The following LRRC8C variants were observed in gnomAD, a reference collection of about 807,000 sequenced individuals.
LRRC8C encodes the protein leucine rich repeat containing 8 VRAC subunit C.
In LRRC8C, 20 loss-of-function variants were observed where a neutral mutation model predicts 55.3. The observed-to-expected ratio is 0.36, with a 90% confidence interval of 0.25 to 0.53. The LOEUF (loss-of-function observed/expected upper bound fraction) is 0.53, where lower values mean the gene tolerates loss of function less well. Among genes scored for constraint, LRRC8C ranks in the 20% least tolerant of loss-of-function variants. LRRC8C has a pLI of 0.92. For missense variants in LRRC8C, 659 were observed against 951.4 expected (o/e 0.69, Z 4.04); for synonymous variants, 376 against 360.7 (o/e 1.04, Z -0.48).
At chr1:89,684,487 G>A (rs1296469678) in intron 1 of LRRC8C, among the ~76,000 whole-genome samples, 1 of 152,166 alleles carries the variant, frequency 6.6e-6, no homozygotes, top group African/African-American at 2.4e-5. Context: ...TTGTTTTTCA[G>A]GCAGTATGGC....
chr1:89,671,588 A>G (rs915039082), intron 1 of LRRC8C, among the ~76,000 whole-genome samples: 1 of 152,190 alleles, frequency 6.6e-6, no homozygotes. Flanking sequence ...ATGACCGGTG[A>G]TGACCATCCC....
At chr1:89,695,170 C>G (rs183224526) in intron 2 of LRRC8C, among the ~76,000 whole-genome samples, 5 of 152,252 alleles carry the variant, frequency 3.3e-5, no homozygotes, top group Admixed American at 6.5e-5. Context: ...GATCTGCCCC[C>G]CTCGGGCTCC....
the LRRC8C span, among the ~76,000 whole-genome samples, chr1:89,618,254 T>G: frequency 3.9e-5 from 6 of 152,202 alleles, no homozygotes; most frequent in African/African-American, 1.4e-4. Context: ...AAGAGACCTC[T>G]ATCACTTAGG....
At chr1:89,669,045 G>A (rs1056198139) in intron 1 of LRRC8C, among the ~76,000 whole-genome samples, 3 of 152,050 alleles carry the variant, frequency 2.0e-5, no homozygotes, top group Non-Finnish European at 2.9e-5. Context: ...TAACCAAAAT[G>A]TCCATTGACA....
At chr1:89,639,978 A>G (rs1375950898) in intron 1 of LRRC8C, among the ~76,000 whole-genome samples, 1 of 152,256 alleles carries the variant, frequency 6.6e-6, no homozygotes, top group Admixed American at 6.5e-5. Flanking sequence ...CATATAAAAC[A>G]TGAGTTAAGA....
At chr1:89,626,873 T>C in the LRRC8C span, 1 of 151,756 alleles carries the variant, frequency 6.6e-6, no homozygotes, top group Non-Finnish European at 1.5e-5. Context: ...ATCATTAGCG[T>C]TGGTAATTAA....
At chr1:89,683,897 TATATC>T (rs571485454) in intron 1 of LRRC8C, among the ~76,000 whole-genome samples, 266 of 152,300 alleles carry the variant, frequency 1.7e-3, no homozygotes, top group Admixed American at 2.9e-3. Flanking sequence ...AACAACATAT[TATATC>T]ATAATAGATT....
chr1:89,709,534 G>C (rs779068128), intron 2 of LRRC8C, among the ~76,000 whole-genome samples: 1 of 152,160 alleles, frequency 6.6e-6, no homozygotes, highest in Non-Finnish European at 1.5e-5. Flanking sequence ...ATCCTGTACA[G>C]CAGCCAAGTT....
At chr1:89,651,573 A>AG in intron 1 of LRRC8C, among the ~76,000 whole-genome samples, 1 of 150,658 alleles carries the variant, frequency 6.6e-6, no homozygotes, top group South Asian at 2.1e-4. Flanking sequence ...GTCTCAAAAA[A>AG]AAAAAAAAAA....
chr1:89,644,732 C>T (rs1041350291), intron 1 of LRRC8C, among the ~76,000 whole-genome samples: 2 of 152,150 alleles, frequency 1.3e-5, no homozygotes, highest in Non-Finnish European at 1.5e-5. Flanking sequence ...CCCTCAAATC[C>T]GCATATAAAC....
intron 2 of LRRC8C, among the ~76,000 whole-genome samples, chr1:89,695,444 A>G (rs867184258): frequency 6.6e-6 from 1 of 152,206 alleles, no homozygotes; most frequent in Non-Finnish European, 1.5e-5. Flanking sequence ...CTTAAGTTCA[A>G]TATGTTAACT....
the LRRC8C span, among the ~76,000 whole-genome samples, chr1:89,625,609 C>T: frequency 2.6e-5 from 4 of 152,142 alleles, no homozygotes; most frequent in Admixed American, 6.5e-5. Context: ...AGAGCATGTG[C>T]GCATGGCTAC....
In LRRC8C at chr1:89,713,619, C is replaced by G; in HGVS notation, c.1049C>G (p.Ser350Cys). ...TTCTACCGTTCTCTACGGGAATATT[C>G]CTTTGAGTATGTCCGTCAGGAGACT... The part of the protein sequence containing the change: ...WLFYRSLREY[S>C]FEYVRQETGI... The change falls in exon 3 of 3, where the codon TCC (serine) becomes TGC (cysteine). Residue 350 changes from serine (S) to cysteine (C), a missense_variant. This residue lies in a region of LRRC8C where 200 missense variants were observed against 360.5 expected (regional missense o/e 0.55). Transcript: ENST00000370454. This position sits in a 1 kb window ranked among gnomAD's most constrained non-coding sequence, Gnocchi z 5.2. The G allele has an allele frequency of 6.2e-7, 1 of 1,614,108 alleles. No homozygotes were observed. Among genetic ancestry groups the G allele is most frequent in the African/African-American group, 1.3e-5 (1 of 75,024 alleles).
chr1:89,631,026 G>C (rs1173523154), upstream of LRRC8C, among the ~76,000 whole-genome samples: 4 of 152,162 alleles, frequency 2.6e-5, no homozygotes, highest in Non-Finnish European at 4.4e-5. Flanking sequence ...AAAGCAACTT[G>C]GGGTGGACTC....
intron 2 of LRRC8C, among the ~76,000 whole-genome samples, chr1:89,688,957 A>C (rs1657953864): frequency 6.6e-6 from 1 of 152,198 alleles, no homozygotes; most frequent in South Asian, 2.1e-4. Context: ...AAGGCTTTTA[A>C]GCCAGGGTAA....
chr1:89,674,336 G>A (rs1423943472), intron 1 of LRRC8C, among the ~76,000 whole-genome samples: 1 of 152,092 alleles, frequency 6.6e-6, no homozygotes, highest in African/African-American at 2.4e-5. Flanking sequence ...CTTCTAGAAT[G>A]TGTGACTCTA....
chr1:89,636,162 A>G (rs1307885302), intron 1 of LRRC8C, among the ~76,000 whole-genome samples: 1 of 152,194 alleles, frequency 6.6e-6, no homozygotes, highest in African/African-American at 2.4e-5. Context: ...AAGCCTCCCT[A>G]GCTGGATCAC....
intron 1 of LRRC8C, among the ~76,000 whole-genome samples, chr1:89,642,180 A>G (rs1039707654): frequency 4.6e-5 from 7 of 152,014 alleles, no homozygotes; most frequent in Non-Finnish European, 8.8e-5. Context: ...TGGTAACCCT[A>G]TTTTCTTGAG....
At chr1:89,653,589 A>AT (rs1255025648) in intron 1 of LRRC8C, among the ~76,000 whole-genome samples, 1 of 152,270 alleles carries the variant, frequency 6.6e-6, no homozygotes, top group African/African-American at 2.4e-5. Context: ...GGAACCTATT[A>AT]TAATAAAACA....
Sources: gnomAD v4.1 joint callset for allele counts (sites outside exome capture counted in the v4.1 genomes callset) on GRCh38, gnomAD v4.1.1 for gene constraint, gnomAD v4.1.1 regional missense constraint, Gnocchi (gnomAD v3.1) non-coding constraint, MANE v1.5 for transcripts, NCBI Gene and HGNC (gene_info 2026-07-23, HGNC 2026-07-21) for gene names.